Variants in ATP2B1 observed in about 807,000 individuals in gnomAD.
ATP2B1 encodes the protein ATPase plasma membrane Ca2+ transporting 1.
Under a neutral mutation model 124.2 loss-of-function variants are expected in ATP2B1, and 14 were observed. That is an observed-to-expected ratio of 0.11 (90% confidence interval 0.07 to 0.18). ATP2B1 has a LOEUF of 0.18. Among genes scored for constraint, ATP2B1 ranks in the 10% least tolerant of loss-of-function variants. The pLI is 1.00. For missense variants in ATP2B1, 763 were observed against 1,466.1 expected (o/e 0.52, Z 7.83); for synonymous variants, 449 against 492.4 (o/e 0.91, Z 1.17).
At chr12:89,610,088 AATAAG>A (rs1565814287) in intron 14 of ATP2B1, 45 bp from the exon 15 acceptor site, 1 of 1,505,072 alleles carries the variant, frequency 6.6e-7, no homozygotes, top group Non-Finnish European at 9.2e-7. Flanking sequence ...ATTACTCTTT[AATAAG>A]ATGATTCTGA....
intron 12 of ATP2B1, among the ~76,000 whole-genome samples, chr12:89,614,930 C>T (rs759640477): frequency 2.4e-4 from 37 of 152,096 alleles, no homozygotes; most frequent in Non-Finnish European, 4.6e-4. Context: ...CCTGCTTCTA[C>T]TCTTCTTCAT....
chr12:89,646,162 C>T (rs915569854), intron 2 of ATP2B1, among the ~76,000 whole-genome samples: 1 of 151,696 alleles, frequency 6.6e-6, no homozygotes, highest in African/African-American at 2.4e-5. Context: ...CCAAGACAGG[C>T]AATTTTGAGA....
In ATP2B1 at chr12:89,590,937, A is replaced by G. The variant is rs768192439; in HGVS notation, c.*47T>C. ...CAATATGTGAAAAGACCCAGTTTCA[A>G]TTTGTTTCTTTACAATGCAGCTAGT... On this transcript the variant is annotated 3_prime_UTR_variant, in exon 21 of 21. Coordinates refer to ENST00000428670, the MANE Select transcript of ATP2B1 (RefSeq NM_001366521.1). 5 of 1,546,160 alleles carry G rather than the reference A, an allele frequency of 3.2e-6. No individual in the cohort carries two copies. Among genetic ancestry groups the G allele is most frequent in the Admixed American group, 3.6e-5 (2 of 55,934 alleles).
At chr12:89,595,062 C>G (rs1217694469) in intron 20 of ATP2B1, among the ~76,000 whole-genome samples, 9 of 152,016 alleles carry the variant, frequency 5.9e-5, no homozygotes, top group Admixed American at 5.9e-4. Flanking sequence ...ATGTTCTTAT[C>G]TATCTGGAAC....
chr12:89,652,015 T>C (rs1465182895), intron 2 of ATP2B1, among the ~76,000 whole-genome samples: 1 of 152,224 alleles, frequency 6.6e-6, no homozygotes, highest in Middle Eastern at 3.2e-3. Flanking sequence ...TGCTCCTCCA[T>C]ACTTGACAGA....
intron 1 of ATP2B1, among the ~76,000 whole-genome samples, chr12:89,689,027 A>C (rs1426138777): frequency 6.6e-6 from 1 of 152,088 alleles, no homozygotes; most frequent in East Asian, 1.9e-4. Flanking sequence ...TCAGAACCTT[A>C]GTTCACCACA....
chr12:89,677,924 G>A (rs914874721), intron 1 of ATP2B1, among the ~76,000 whole-genome samples: 6 of 141,420 alleles, frequency 4.2e-5, no homozygotes, highest in Admixed American at 7.2e-5. Flanking sequence ...TCCTGCCTTT[G>A]GATTTCAGGG....
intron 1 of ATP2B1, among the ~76,000 whole-genome samples, chr12:89,664,448 A>C (rs527809438): frequency 2.1e-4 from 32 of 152,214 alleles, no homozygotes; most frequent in Non-Finnish European, 3.8e-4. Flanking sequence ...TCTTATCCCA[A>C]ACATTTATGA....
intron 2 of ATP2B1, among the ~76,000 whole-genome samples, chr12:89,643,125 CGTATATATGTATATACACGTGTATAT>C (rs1013651866): frequency 1.4e-5 from 2 of 146,462 alleles, no homozygotes; most frequent in African/African-American, 5.1e-5. Context: ...CGTATATACA[CGTATATATGTATATACACGTGTATAT>C]GTATATATGT....
At position 89,603,597 on chromosome 12, in the gene ATP2B1, G is replaced by C. The variant is rs1445655818; in HGVS notation, c.2848+115C>G. 2 of 1,028,378 alleles carry C rather than the reference G, an allele frequency of 1.9e-6. No homozygotes were observed. The highest frequency in any genetic ancestry group is 5.0e-5 in the East Asian group (2 of 39,992). The allele number at this position is 1,028,378 out of a possible 1,614,324, so 63.7% of individuals were successfully genotyped here. On this transcript the variant is annotated intron_variant, in intron 17 of 20. Transcript: ENST00000428670. The surrounding 1 kb of genome is among the most constrained non-coding windows in gnomAD (Gnocchi z 4.3). The stretch of plus-strand genomic sequence containing the variant: ...GATTAAGAAGAAATTAAAGATAAAT[G>C]GGAAGTCAGGAGTAGAATTTAGGCT...
intron 2 of ATP2B1, among the ~76,000 whole-genome samples, chr12:89,654,987 C>T (rs1264127700): frequency 1.3e-5 from 2 of 152,104 alleles, no homozygotes; most frequent in East Asian, 3.8e-4. Flanking sequence ...TTATGAAAGG[C>T]AATCTTCTGA....
intron 1 of ATP2B1, among the ~76,000 whole-genome samples, chr12:89,659,690 A>C (rs183599524): frequency 6.6e-6 from 1 of 152,282 alleles, no homozygotes; most frequent in African/African-American, 2.4e-5. Context: ...TGGGAGGCCG[A>C]GGCGGGCGGA....
At chr12:89,610,529 T>C (rs768666430) in intron 13 of ATP2B1, 21 bp from the exon 14 acceptor site, 7 of 1,583,056 alleles carry the variant, frequency 4.4e-6, no homozygotes, top group South Asian at 1.1e-5. Context: ...TTATCAAAGT[T>C]AAAATATGCC....
rs763596930 is a variant in ATP2B1 at position 89,601,353 on chromosome 12, T to C, written c.3141A>G (p.Leu1047=). 3 of 1,577,576 alleles carry C rather than the reference T, an allele frequency of 1.9e-6. No homozygotes were observed. In the East Asian group the frequency reaches 7.0e-5, roughly 37 times the overall value. The change falls in exon 19 of 21, where the codon CTA becomes CTG. Residue 1047 remains leucine (L), a synonymous_variant. Transcript: ENST00000428670. ...SIEQWLWSIF[L]GMGTLLWGQL... is the part of the protein sequence containing the mutation. Reference sequence around the variant, plus strand: ...GGCCCCAGAGTAATGTTCCCATTCCTAGGAATATTGACCATAGCCACTGTT... The same window carrying C: ...GGCCCCAGAGTAATGTTCCCATTCCCAGGAATATTGACCATAGCCACTGTT...
chr12:89,665,393 C>A (rs1249391538), intron 1 of ATP2B1, among the ~76,000 whole-genome samples: 2 of 152,078 alleles, frequency 1.3e-5, no homozygotes, highest in African/African-American at 4.8e-5. Flanking sequence ...AAAAGTTTAA[C>A]AGAGAATCTT....
intron 20 of ATP2B1, among the ~76,000 whole-genome samples, chr12:89,597,185 C>A (rs1271216080): frequency 6.6e-6 from 1 of 151,984 alleles, no homozygotes. Flanking sequence ...GTAAGGAGCA[C>A]CAGAGAGAGA....
intron 15 of ATP2B1, among the ~76,000 whole-genome samples, chr12:89,608,279 A>G (rs1262103716): frequency 6.6e-6 from 1 of 151,974 alleles, no homozygotes; most frequent in Non-Finnish European, 1.5e-5. Flanking sequence ...AGTGATTCTC[A>G]TGCCTCAGAC....
intron 1 of ATP2B1, among the ~76,000 whole-genome samples, chr12:89,673,717 T>C (rs566391163): frequency 6.6e-6 from 1 of 152,124 alleles, no homozygotes; most frequent in Non-Finnish European, 1.5e-5. Flanking sequence ...GTGTATGGAT[T>C]TTCATCTCCA....
chr12:89,671,045 A>AATCATTAT (rs1887909952), intron 1 of ATP2B1, among the ~76,000 whole-genome samples: 1 of 152,070 alleles, frequency 6.6e-6, no homozygotes, highest in African/African-American at 2.4e-5. Context: ...TAAAATTTAA[A>AATCATTAT]ATCATTATAC....
Sources: allele counts gnomAD v4.1 joint callset (sites outside exome capture counted in the v4.1 genomes callset), GRCh38; gene constraint gnomAD v4.1.1; non-coding constraint Gnocchi (gnomAD v3.1); transcripts MANE v1.5; gene names NCBI Gene and HGNC (gene_info 2026-07-23, HGNC 2026-07-21).